Variants in CFAP54 observed in about 807,000 individuals in gnomAD.
CFAP54 encodes the protein cilia- and flagella-associated protein 54.
A neutral mutation model predicts 370.4 loss-of-function variants in CFAP54; 290 were observed. That is an observed-to-expected ratio of 0.78 (90% CI 0.71 to 0.86). The LOEUF (loss-of-function observed/expected upper bound fraction) is 0.86, where lower values mean the gene tolerates loss of function less well. Ranked by LOEUF, CFAP54 falls within the 40% of genes least tolerant of loss-of-function variation. The pLI, the probability that CFAP54 is intolerant of heterozygous loss-of-function variation, is 0.00. For synonymous variants in CFAP54, 1,206 were observed against 1,236.5 expected (o/e 0.98, Z 0.52); for missense variants, 3,399 against 3,528.7 (o/e 0.96, Z 0.93).
chr12:96,662,798 T>A (rs1957009841), intron 38 of CFAP54, among the ~76,000 whole-genome samples: 1 of 151,996 alleles, frequency 6.6e-6, no homozygotes, highest in Admixed American at 6.6e-5. Context: ...TCCCCAAACA[T>A]CCACATTGGA....
chr12:96,843,792 C>A (rs61938374), intron 66 of CFAP54, among the ~76,000 whole-genome samples: 2 of 152,254 alleles, frequency 1.3e-5, no homozygotes, highest in South Asian at 4.1e-4. Flanking sequence ...ACATAAATTC[C>A]TTTTACTCTG....
chr12:96,834,766 G>A (rs1959180942), intron 66 of CFAP54, among the ~76,000 whole-genome samples: 1 of 152,222 alleles, frequency 6.6e-6, no homozygotes, highest in Non-Finnish European at 1.5e-5. Context: ...CAAAGGTCAT[G>A]TTTCAGCCTT....
At chr12:96,672,516 A>G (rs1275581955) in intron 39 of CFAP54, among the ~76,000 whole-genome samples, 1 of 152,192 alleles carries the variant, frequency 6.6e-6, no homozygotes, top group Non-Finnish European at 1.5e-5. Flanking sequence ...GAAGGGTTGT[A>G]GAGTAATTTA....
intron 50 of CFAP54, among the ~76,000 whole-genome samples, chr12:96,732,506 A>C (rs1313014622): frequency 6.6e-6 from 1 of 152,142 alleles, no homozygotes; most frequent in Non-Finnish European, 1.5e-5. Flanking sequence ...TTTTTTGAAA[A>C]TATAGTTGTT....
Position 96,679,597 on chromosome 12 carries a change from C to G in CFAP54, c.5564-3C>G, listed in dbSNP as rs1161976174. 1 of 1,608,280 alleles carries G rather than the reference C, an allele frequency of 6.2e-7. No individual in the cohort carries two copies. The stretch of plus-strand genomic sequence containing the variant: ...CCAATATTCCGCTTTTCTTTCCTTT[C>G]AGAATACAGCCGAGCCAAAGCGCTT... On this transcript the variant is annotated splice_region_variant and splice_polypyrimidine_tract_variant and intron_variant, in intron 39 of 67. Transcript: ENST00000524981.
intron 32 of CFAP54, among the ~76,000 whole-genome samples, chr12:96,636,681 C>T (rs571220549): frequency 5.3e-5 from 8 of 152,218 alleles, no homozygotes; most frequent in East Asian, 3.9e-4. Context: ...TATTGGCAGG[C>T]GTGGTGGCTC....
chr12:96,756,973 T>C (rs759611425), intron 57 of CFAP54, among the ~76,000 whole-genome samples: 8 of 152,310 alleles, frequency 5.3e-5, no homozygotes, highest in Non-Finnish European at 1.0e-4. Context: ...ACCTCAATAT[T>C]GAGTAAGCCA....
chr12:96,846,435 A>G (rs1468712868), intron 66 of CFAP54, among the ~76,000 whole-genome samples: 5 of 151,858 alleles, frequency 3.3e-5, no homozygotes, highest in Non-Finnish European at 5.9e-5. Context: ...CCTGTTTGGG[A>G]CCCTTTATTA....
chr12:96,604,791 G>A lies in CFAP54; in HGVS notation c.3639+6024G>A, dbSNP rs1956283622. On this transcript the variant is annotated intron_variant, in intron 26 of 67. Coordinates refer to ENST00000524981, the MANE Select transcript of CFAP54 (RefSeq NM_001306084.2). ...CATGGGACCTGCCAAGCCAGGCATG[G>A]GAGGGAATCTCCTGGTCTGCTGGTT... Among the ~76,000 whole-genome samples the A allele has an allele frequency of 3.3e-5, 5 of 152,242 alleles. No individual in the cohort carries two copies. The South Asian group carries it at 1.0e-3, about 31-fold the overall frequency.
chr12:96,538,002 C>T lies in CFAP54; in HGVS notation c.1792-382C>T, dbSNP rs558009659. Among the ~76,000 whole-genome samples the T allele has an allele frequency of 6.6e-5, 10 of 152,056 alleles. No homozygotes were observed. The South Asian group carries it at 1.9e-3, about 28-fold the overall frequency. On this transcript the variant is annotated intron_variant, in intron 12 of 67. Coordinates refer to ENST00000524981, the MANE Select transcript of CFAP54 (RefSeq NM_001306084.2). The stretch of plus-strand genomic sequence containing the variant: ...ACTTGGGAAGCTGAGGCACGAGAAT[C>T]GCTTGAACCTGCTGGGATGTGGAGG...
At chr12:96,861,070 A>G (rs1193534371) in intron 67 of CFAP54, 118 bp downstream of exon 67, 1 of 695,638 alleles carries the variant, frequency 1.4e-6, no homozygotes, top group East Asian at 3.2e-5. Context: ...AAATTTCTTT[A>G]AAATTATTAT....
At chr12:96,615,480 A>C (rs534986385) in intron 26 of CFAP54, among the ~76,000 whole-genome samples, 34 of 152,346 alleles carry the variant, frequency 2.2e-4, no homozygotes, top group African/African-American at 8.2e-4. Context: ...AAACACCAAT[A>C]GCAATGGCAA....
At chr12:96,560,663 G>A (rs182907340) in intron 17 of CFAP54, among the ~76,000 whole-genome samples, 10 of 152,166 alleles carry the variant, frequency 6.6e-5, no homozygotes, top group Non-Finnish European at 8.8e-5. Context: ...TGCATGCATC[G>A]GCTATTTGTT....
intron 5 of CFAP54, among the ~76,000 whole-genome samples, chr12:96,516,888 G>T (rs1271806735): frequency 6.6e-6 from 1 of 152,162 alleles, no homozygotes; most frequent in Non-Finnish European, 1.5e-5. Context: ...TGAGGCTGCA[G>T]CGCCATCCTG....
chr12:96,650,201 T>C lies in CFAP54; in HGVS notation c.4872+129T>C, dbSNP rs933370310. The C allele has an allele frequency of 8.8e-6, 7 of 793,544 alleles. No individual in the cohort carries two copies. The Admixed American group carries it at 2.0e-4, about 22-fold the overall frequency. The allele number at this position is 793,544 out of a possible 1,614,324, so 49.2% of individuals were successfully genotyped here. On this transcript the variant is annotated intron_variant, in intron 35 of 67. Coordinates refer to ENST00000524981, the MANE Select transcript of CFAP54 (RefSeq NM_001306084.2). ...TAGTTGTGACTTTGAGATCTCATCT[T>C]GCTGGGTGTATCCTAAGTCACTTTT...
chr12:96,580,565 CT>C (rs1408654833), intron 20 of CFAP54, 31 bp from the exon 21 acceptor site: 7 of 1,353,832 alleles, frequency 5.2e-6, no homozygotes, highest in Non-Finnish European at 6.9e-6. Flanking sequence ...AAAAGAATGC[CT>C]TTTAAACAGG....
In CFAP54 at chr12:96,700,083, GA is replaced by G; in HGVS notation, c.6469del (p.Met2157Ter). On this transcript the variant is annotated frameshift_variant, in exon 46 of 68. Coordinates refer to ENST00000524981, the MANE Select transcript of CFAP54 (RefSeq NM_001306084.2). LOFTEE classifies it high-confidence loss of function. ...CPIPAGYKAT[G>X]KMKIFQSFDS... Reference sequence around the variant, plus strand: ...ATACCTGCAGGCTATAAAGCCACTGGAAAAATGAAGGTAACCTGACAATTTG... The same window carrying G: ...ATACCTGCAGGCTATAAAGCCACTGGAAAATGAAGGTAACCTGACAATTTG... 1 of 1,603,012 alleles carries G rather than the reference GA, an allele frequency of 6.2e-7. No individual in the cohort carries two copies. The highest frequency in any genetic ancestry group is 1.1e-5 in the South Asian group (1 of 87,730).
intron 63 of CFAP54, among the ~76,000 whole-genome samples, chr12:96,811,206 T>G (rs1259068922): frequency 6.6e-6 from 1 of 152,190 alleles, no homozygotes; most frequent in Non-Finnish European, 1.5e-5. Flanking sequence ...TGCAACTGAC[T>G]CTAAGAATTG....
rs1192500454 is a variant in CFAP54 at position 96,665,088 on chromosome 12, A to G, written c.5563+1156A>G. 2.2e-5 allele frequency among the ~76,000 whole-genome samples: 3 copies of G among 138,356 alleles called. No homozygotes were observed. The East Asian group carries it at 6.5e-4, about 30-fold the overall frequency. 90.8% of individuals were successfully genotyped at this position (138,356 alleles called of 152,430 possible). A position where few individuals can be genotyped will look rare whatever the true frequency, so the allele number is the denominator to read the frequency against. On this transcript the variant is annotated intron_variant, in intron 39 of 67. Transcript: ENST00000524981. ...GATCAGTGATACTGAGCTTTTTTTC[A>G]TATGATTGTTGGCCACATGTATGTT...
Sources: allele counts gnomAD v4.1 joint callset (sites outside exome capture counted in the v4.1 genomes callset), GRCh38; gene constraint gnomAD v4.1.1; transcripts MANE v1.5; gene names NCBI Gene and HGNC (gene_info 2026-07-23, HGNC 2026-07-21).